The following INPP4B variants were observed in gnomAD, a reference collection of about 807,000 sequenced individuals.
The protein encoded by INPP4B is inositol polyphosphate 4-phosphatase type II.
INPP4B carries 55 observed loss-of-function variants against 122.5 expected under a neutral mutation model. That is an observed-to-expected ratio of 0.45 (90% CI 0.36 to 0.56). The LOEUF (loss-of-function observed/expected upper bound fraction) is 0.56. Ranked by LOEUF, INPP4B falls within the 20% of genes least tolerant of loss-of-function variation. INPP4B has a pLI of 0.00. For synonymous variants in INPP4B, 403 were observed against 388.7 expected (o/e 1.04, Z -0.43); for missense variants, 1,000 against 1,097.7 (o/e 0.91, Z 1.26).
At chr4:142,323,306 T>C (rs537279102) in intron 7 of INPP4B, among the ~76,000 whole-genome samples, 54 of 152,286 alleles carry the variant, frequency 3.5e-4, no homozygotes, top group Non-Finnish European at 7.2e-4. Context: ...CCAATTCATT[T>C]ATGTGTACAT....
chr4:142,424,751 C>A (rs1033533771), intron 5 of INPP4B, among the ~76,000 whole-genome samples: 10 of 151,906 alleles, frequency 6.6e-5, no homozygotes, highest in Non-Finnish European at 1.3e-4. Context: ...TACTTTCTTT[C>A]ATCCCTCCTG....
chr4:142,170,052 T>A (rs1056265447), intron 16 of INPP4B, among the ~76,000 whole-genome samples: 11 of 151,728 alleles, frequency 7.2e-5, no homozygotes, highest in Non-Finnish European at 1.3e-4. Flanking sequence ...TCCTTGTTTT[T>A]TTTCCTTCAT....
chr4:142,373,507 C>A (rs1790681349), intron 7 of INPP4B, among the ~76,000 whole-genome samples: 1 of 151,982 alleles, frequency 6.6e-6, no homozygotes, highest in African/African-American at 2.4e-5. Context: ...TGGCCTGGTT[C>A]AAATCCAGTT....
At chr4:142,623,150 C>G (rs905963642) in intron 2 of INPP4B, among the ~76,000 whole-genome samples, 3 of 151,944 alleles carry the variant, frequency 2.0e-5, no homozygotes, top group Admixed American at 2.0e-4. Flanking sequence ...TGAGGCTTAT[C>G]TATCACAGTC....
At chr4:142,736,367 A>G (rs1410629343) in intron 1 of INPP4B, among the ~76,000 whole-genome samples, 1 of 152,182 alleles carries the variant, frequency 6.6e-6, no homozygotes, top group Non-Finnish European at 1.5e-5. Flanking sequence ...AATTAATAAT[A>G]TGGAATGCTT....
chr4:142,115,386 A>G (rs535247000), intron 21 of INPP4B, among the ~76,000 whole-genome samples: 27 of 152,330 alleles, frequency 1.8e-4, no homozygotes, highest in Non-Finnish European at 3.4e-4. Flanking sequence ...GAAATGAAGG[A>G]AAACATGTTA....
chr4:142,640,197 C>T (rs1307473080), intron 2 of INPP4B, among the ~76,000 whole-genome samples: 1 of 151,738 alleles, frequency 6.6e-6, no homozygotes, highest in Non-Finnish European at 1.5e-5. Flanking sequence ...TGGTACCTAA[C>T]AAACTAATTT....
intron 3 of INPP4B, among the ~76,000 whole-genome samples, chr4:142,448,329 CAAAAAAAAA>C (rs71586289): frequency 4.8e-5 from 3 of 61,988 alleles, no homozygotes; most frequent in Non-Finnish European, 2.9e-5. Context: ...TATCCATCTC[CAAAAAAAAA>C]AAAAAAAAAA....
chr4:142,821,658 C>A (rs1031834166), intron 1 of INPP4B, among the ~76,000 whole-genome samples: 1 of 151,962 alleles, frequency 6.6e-6, no homozygotes, highest in African/African-American at 2.4e-5. Context: ...CAACAATAAA[C>A]AAATAGAACG....
intron 2 of INPP4B, among the ~76,000 whole-genome samples, chr4:142,537,429 T>TATAGAGAGAGAGAGAGAG (rs1200701380): frequency 3.9e-5 from 1 of 25,486 alleles, no homozygotes; most frequent in Non-Finnish European, 9.2e-5. Context: ...TATATATATA[T>TATAGAGAGAGAGAGAGAG]AGAGAGAGAG....
intron 1 of INPP4B, among the ~76,000 whole-genome samples, chr4:142,755,536 A>C (rs1036235800): frequency 1.3e-5 from 2 of 152,062 alleles, no homozygotes; most frequent in African/African-American, 2.4e-5. Context: ...AAGAAAAAAA[A>C]TAAAGAAGCC....
In INPP4B at chr4:142,774,589, C is replaced by T. The variant is rs1353220894; in HGVS notation, c.-253-48688G>A. Among the ~76,000 whole-genome samples the T allele has an allele frequency of 3.9e-5, 6 of 152,174 alleles. No individual in the cohort carries two copies. The East Asian group carries it at 9.6e-4, about 24-fold the overall frequency. ...AATTCACCTACAACAACTTCATAAACACTTATTTGATTATAAGTACTTCAT... is the reference window on the plus strand; with the variant it reads ...AATTCACCTACAACAACTTCATAAATACTTATTTGATTATAAGTACTTCAT... On this transcript the variant is annotated intron_variant, in intron 1 of 25. Coordinates refer to ENST00000262992, the MANE Select transcript of INPP4B (RefSeq NM_001101669.3).
chr4:142,465,522 T>G (rs536411788), intron 2 of INPP4B, among the ~76,000 whole-genome samples: 2 of 152,362 alleles, frequency 1.3e-5, no homozygotes, highest in South Asian at 4.1e-4. Context: ...CATTATTGTT[T>G]AGAATTAAAA....
intron 2 of INPP4B, among the ~76,000 whole-genome samples, chr4:142,511,692 A>C (rs1381715376): frequency 6.6e-6 from 1 of 152,172 alleles, no homozygotes; most frequent in African/African-American, 2.4e-5. Context: ...CTCAGGCGTT[A>C]GTATTGTTTA....
At chr4:142,293,729 G>C (rs1757401247) in intron 9 of INPP4B, among the ~76,000 whole-genome samples, 1 of 152,180 alleles carries the variant, frequency 6.6e-6, no homozygotes, top group Non-Finnish European at 1.5e-5. Flanking sequence ...CAGAACAACA[G>C]ACAACAGTGA....
intron 3 of INPP4B, among the ~76,000 whole-genome samples, chr4:142,446,438 T>C (rs986584542): frequency 1.3e-5 from 2 of 152,132 alleles, no homozygotes; most frequent in Non-Finnish European, 2.9e-5. Context: ...TAAACTTTTA[T>C]AAACTGCAGC....
chr4:142,571,810 T>G (rs7665784), intron 2 of INPP4B, among the ~76,000 whole-genome samples: 2 of 152,108 alleles, frequency 1.3e-5, no homozygotes, highest in African/African-American at 4.8e-5. Context: ...TTATTTATTT[T>G]TTTTTGAGAC....
At chr4:142,794,098 T>C (rs2151072251) in intron 1 of INPP4B, among the ~76,000 whole-genome samples, 1 of 152,120 alleles carries the variant, frequency 6.6e-6, no homozygotes, top group East Asian at 1.9e-4. Flanking sequence ...GATCTACCTA[T>C]GTATGTATGT....
chr4:142,381,672 G>A (rs974373463), intron 7 of INPP4B, among the ~76,000 whole-genome samples: 2 of 152,032 alleles, frequency 1.3e-5, no homozygotes, highest in Admixed American at 6.6e-5. Context: ...AAGTTGTAGT[G>A]TAGTTTAATT....
Sources: allele counts gnomAD v4.1 joint callset (sites outside exome capture counted in the v4.1 genomes callset), GRCh38; gene constraint gnomAD v4.1.1; transcripts MANE v1.5; gene names NCBI Gene and HGNC (gene_info 2026-07-23, HGNC 2026-07-21).